NFIA: variants seen among roughly 807,000 people sequenced by gnomAD.
NFIA encodes the protein nuclear factor I A.
Under a neutral mutation model 62.8 loss-of-function variants are expected in NFIA, and 8 were observed. The ratio of observed to expected loss-of-function variants is 0.13; its 90% CI spans 0.07 to 0.23. The LOEUF is 0.23. NFIA is among the 10% of genes least tolerant of loss of function. The pLI is 1.00. For missense variants in NFIA, 410 were observed against 642.1 expected (o/e 0.64, Z 3.91); for synonymous variants, 235 against 238.1 (o/e 0.99, Z 0.12).
intron 7 of NFIA, among the ~76,000 whole-genome samples, chr1:61,400,465 A>G (rs1665495873): frequency 6.6e-6 from 1 of 152,198 alleles, no homozygotes. Flanking sequence ...CCAATTTTGT[A>G]GTGTCTTTTA....
intron 2 of NFIA, among the ~76,000 whole-genome samples, chr1:61,148,976 G>T (rs1391872541): frequency 6.6e-6 from 1 of 151,996 alleles, no homozygotes; most frequent in Non-Finnish European, 1.5e-5. Flanking sequence ...GGGCTTAAGG[G>T]ATCCTCCTGC....
chr1:61,319,790 AACACACACACACACACACAC>A (rs58845526), intron 3 of NFIA, among the ~76,000 whole-genome samples: 13 of 139,520 alleles, frequency 9.3e-5, no homozygotes, highest in South Asian at 2.4e-4. Context: ...GGAAGAATTA[AACACACACACACACACACAC>A]ACACACACAC....
upstream of NFIA, chr1:61,082,470 C>T: frequency 9.4e-7 from 1 of 1,069,044 alleles, no homozygotes; most frequent in Non-Finnish European, 1.1e-6. Context: ...GGCACCCGGC[C>T]GGGCCGGCGC....
chr1:61,163,686 A>G (rs994945460), intron 2 of NFIA, among the ~76,000 whole-genome samples: 10 of 152,232 alleles, frequency 6.6e-5, no homozygotes, highest in African/African-American at 2.4e-4. Context: ...GACTGTGACT[A>G]TTATGCTGGA....
chr1:61,188,667 A>G (rs1651382623), intron 2 of NFIA, among the ~76,000 whole-genome samples: 1 of 152,190 alleles, frequency 6.6e-6, no homozygotes, highest in Non-Finnish European at 1.5e-5. Context: ...TAGGGCATTT[A>G]TGGTAGACAG....
At chr1:61,431,350 TA>T (rs1427706827) in intron 10 of NFIA, among the ~76,000 whole-genome samples, 14 of 152,232 alleles carry the variant, frequency 9.2e-5, no homozygotes, top group African/African-American at 3.1e-4. Flanking sequence ...AAGGTTTAAA[TA>T]AAATGCTTAA....
intron 2 of NFIA, among the ~76,000 whole-genome samples, chr1:61,164,845 G>A (rs1172360076): frequency 2.6e-5 from 4 of 152,134 alleles, no homozygotes; most frequent in Non-Finnish European, 5.9e-5. Flanking sequence ...AACAGTTGCT[G>A]TCTGGCACAG....
chr1:61,142,170 G>T (rs758829059), intron 2 of NFIA, among the ~76,000 whole-genome samples: 14 of 151,614 alleles, frequency 9.2e-5, no homozygotes, highest in Non-Finnish European at 1.9e-4. Flanking sequence ...ATTTAAGAAA[G>T]AATTTAAAAA....
intron 3 of NFIA, among the ~76,000 whole-genome samples, chr1:61,281,163 C>T (rs904061171): frequency 4.0e-5 from 6 of 151,574 alleles, no homozygotes; most frequent in East Asian, 1.9e-4. Context: ...ATCTTGAATC[C>T]GGGCAGCAGA....
chr1:61,372,263 C>A (rs1663925496), intron 6 of NFIA, among the ~76,000 whole-genome samples: 1 of 152,156 alleles, frequency 6.6e-6, no homozygotes, highest in Non-Finnish European at 1.5e-5. Flanking sequence ...ATGGAACTAA[C>A]TCATTTACTT....
intron 10 of NFIA, among the ~76,000 whole-genome samples, chr1:61,429,196 T>C (rs1666994918): frequency 6.6e-6 from 1 of 152,358 alleles, no homozygotes; most frequent in East Asian, 1.9e-4. Flanking sequence ...AAAAGAGTTA[T>C]TTGATTGTAT....
rs188461493 is a variant in NFIA, at chr1:61,337,520, A to G, written c.700+4934A>G. Among the ~76,000 whole-genome samples the G allele has an allele frequency of 5.0e-3, 756 of 152,260 alleles. 6 individuals are homozygous for G. Among genetic ancestry groups the G allele is most frequent in the Non-Finnish European group, 6.1e-3 (413 of 68,022 alleles). ...GGAGGAGGAAAATACAGACCACTAGATGCTGTGCCAGAGAGAGAGAGAGAA... is the reference window on the plus strand; with the variant it reads ...GGAGGAGGAAAATACAGACCACTAGGTGCTGTGCCAGAGAGAGAGAGAGAA... On this transcript the variant is annotated intron_variant, in intron 4 of 10. Coordinates refer to ENST00000403491, the MANE Select transcript of NFIA (RefSeq NM_001134673.4).
intron 4 of NFIA, among the ~76,000 whole-genome samples, chr1:61,337,475 A>AT (rs1466997101): frequency 1.3e-5 from 2 of 152,130 alleles, no homozygotes; most frequent in African/African-American, 4.8e-5. Context: ...TAGCTCAATT[A>AT]TTTATTGCCT....
chr1:61,309,470 CA>C (rs1659975357), intron 3 of NFIA, among the ~76,000 whole-genome samples: 1 of 143,134 alleles, frequency 7.0e-6, no homozygotes, highest in South Asian at 2.2e-4. Flanking sequence ...TTGCTTTCCA[CA>C]GTGAGAAAAA....
chr1:61,309,954 G>C (rs944434097), intron 3 of NFIA, among the ~76,000 whole-genome samples: 2 of 152,176 alleles, frequency 1.3e-5, no homozygotes, highest in Non-Finnish European at 2.9e-5. Flanking sequence ...TAGAATGGTT[G>C]CATGCAATAA....
intron 2 of NFIA, among the ~76,000 whole-genome samples, chr1:61,172,765 T>C (rs1221742533): frequency 6.6e-6 from 1 of 152,200 alleles, no homozygotes; most frequent in Non-Finnish European, 1.5e-5. Flanking sequence ...TTACAAACAG[T>C]GTCCTTTCAT....
intron 4 of NFIA, among the ~76,000 whole-genome samples, chr1:61,345,682 G>A (rs933250765): frequency 3.3e-5 from 5 of 152,150 alleles, no homozygotes; most frequent in Non-Finnish European, 5.9e-5. Flanking sequence ...TGAACTGCAC[G>A]TGCGAAGGAC....
At chr1:61,298,053 C>T (rs912054387) in intron 3 of NFIA, among the ~76,000 whole-genome samples, 3 of 152,020 alleles carry the variant, frequency 2.0e-5, no homozygotes, top group Non-Finnish European at 1.5e-5. Context: ...GTGTCCCCAC[C>T]CAAATCTCAT....
chr1:61,114,902 C>G (rs1646770627), intron 2 of NFIA, among the ~76,000 whole-genome samples: 1 of 152,120 alleles, frequency 6.6e-6, no homozygotes, highest in South Asian at 2.1e-4. Context: ...AGACAGGAAG[C>G]TGGAATACAC....
Sources: allele counts gnomAD v4.1 joint callset (sites outside exome capture counted in the v4.1 genomes callset), GRCh38; gene constraint gnomAD v4.1.1; transcripts MANE v1.5; gene names NCBI Gene and HGNC (gene_info 2026-07-23, HGNC 2026-07-21).